The following GNAQ variants were observed in gnomAD, a reference collection of about 807,000 sequenced individuals.
GNAQ encodes G protein subunit alpha q.
Under a neutral mutation model 43.9 loss-of-function variants are expected in GNAQ, and 8 were observed. The observed-to-expected ratio is 0.18, with a 90% confidence interval of 0.11 to 0.33. The LOEUF is 0.33. GNAQ is among the 10% of genes least tolerant of loss of function. The probability of loss-of-function intolerance (pLI) is 1.00; values close to 1 mark genes in which losing one functional copy is unlikely to be tolerated. For synonymous variants in GNAQ, 155 were observed against 170.7 expected, an observed-to-expected ratio of 0.91 and a Z score of 0.71; for missense variants, 158 against 450.8, an observed-to-expected ratio of 0.35 and a Z score of 5.88.
In GNAQ at chr9:78,031,441, G is replaced by A. The variant is rs1170408717; in HGVS notation, c.-206C>T. Reference sequence around the variant, plus strand: ...GGTGGGCCGGGGGCGCGGTGGGAGCGGATAGTCTGGGCCGACGGGAGAAGA... The same window carrying A: ...GGTGGGCCGGGGGCGCGGTGGGAGCAGATAGTCTGGGCCGACGGGAGAAGA... On this transcript the variant is annotated 5_prime_UTR_variant, in exon 1 of 7. Transcript: ENST00000286548. 4.2e-5 allele frequency: 9 copies of A among 213,022 alleles called. No homozygotes were observed. The highest frequency in any genetic ancestry group is 4.1e-4 in the Admixed American group (7 of 17,128). The allele number at this position is 213,022 out of a possible 1,614,324, so 13.2% of individuals were successfully genotyped here.
chr9:77,722,797 T>TA (rs1032767882), intron 6 of GNAQ, among the ~76,000 whole-genome samples: 1 of 151,908 alleles, frequency 6.6e-6, no homozygotes, highest in African/African-American at 2.4e-5. Context: ...GCTGAAACTA[T>TA]AGGTGCCACC....
intron 1 of GNAQ, among the ~76,000 whole-genome samples, chr9:77,986,803 C>CTT (rs56978328): frequency 0.012 from 1,456 of 123,526 alleles, 24 homozygotes; most frequent in African/African-American, 0.041. Context: ...GCACCTGGCC[C>CTT]TTTTTTTTTT....
At chr9:77,859,092 T>C (rs1044506992) in intron 2 of GNAQ, among the ~76,000 whole-genome samples, 1 of 152,226 alleles carries the variant, frequency 6.6e-6, no homozygotes, top group African/African-American at 2.4e-5. Context: ...TCTTCCCATG[T>C]TGACACCCCC....
intron 1 of GNAQ, among the ~76,000 whole-genome samples, chr9:77,972,095 G>C (rs559340886): frequency 7.2e-5 from 11 of 152,102 alleles, no homozygotes; most frequent in Admixed American, 6.6e-4. Context: ...CGTGTCATCT[G>C]CAACAGGGTG....
chr9:77,770,934 A>G (rs953770296), intron 5 of GNAQ, among the ~76,000 whole-genome samples: 7 of 152,142 alleles, frequency 4.6e-5, no homozygotes, highest in Non-Finnish European at 8.8e-5. Context: ...ATTTTCTGAA[A>G]AAAATAAAAC....
At chr9:77,736,965 G>A (rs905904145) in intron 5 of GNAQ, among the ~76,000 whole-genome samples, 13 of 152,132 alleles carry the variant, frequency 8.5e-5, no homozygotes, top group African/African-American at 3.1e-4. Flanking sequence ...CATACTTTAC[G>A]CTTATTTTTT....
chr9:77,885,761 A>T (rs1417565951), intron 2 of GNAQ, among the ~76,000 whole-genome samples: 1 of 152,004 alleles, frequency 6.6e-6, no homozygotes, highest in Non-Finnish European at 1.5e-5. Flanking sequence ...AATGAGATTG[A>T]AAGAGAAAAC....
intron 1 of GNAQ, among the ~76,000 whole-genome samples, chr9:77,989,167 GT>G (rs1413942375): frequency 6.6e-6 from 1 of 152,050 alleles, no homozygotes. Context: ...AAAACCAAAT[GT>G]TTTATTTGAC....
intron 5 of GNAQ, among the ~76,000 whole-genome samples, chr9:77,775,200 T>G (rs1267736069): frequency 6.6e-6 from 1 of 152,188 alleles, no homozygotes; most frequent in Non-Finnish European, 1.5e-5. Flanking sequence ...AATTTAATTA[T>G]TTTCATTGTT....
chr9:77,947,278 C>T (rs1217079987), intron 1 of GNAQ, among the ~76,000 whole-genome samples: 15 of 152,198 alleles, frequency 9.9e-5, no homozygotes, highest in Non-Finnish European at 2.2e-4. Flanking sequence ...GCTATTTCCA[C>T]AAGGAGGCAA....
chr9:77,735,578 TCTGA>T (rs1825564837), intron 5 of GNAQ, among the ~76,000 whole-genome samples: 1 of 152,216 alleles, frequency 6.6e-6, no homozygotes, highest in South Asian at 2.1e-4. Context: ...GCTTGCTGTG[TCTGA>T]CTTTGTATCT....
rs759493970 is a variant in GNAQ at position 78,031,256 on chromosome 9, G to A, written c.-21C>T. 39 of 1,475,052 alleles carry A rather than the reference G, an allele frequency of 2.6e-5. No individual in the cohort carries two copies. Among genetic ancestry groups the A allele is most frequent in the Non-Finnish European group, 3.3e-5 (36 of 1,100,954 alleles). The allele number at this position is 1,475,052 out of a possible 1,614,324, so 91.4% of individuals were successfully genotyped here. A position where few individuals can be genotyped will look rare whatever the true frequency, so the allele number is the denominator to read the frequency against. On this transcript the variant is annotated 5_prime_UTR_variant, in exon 1 of 7. Coordinates refer to ENST00000286548, the MANE Select transcript of GNAQ (RefSeq NM_002072.5). ...GTCATTCTTCCAAAGTGCCTCCGCT[G>A]CAGCCCCGCCGGCACCCCCTGCTCA...
intron 1 of GNAQ, among the ~76,000 whole-genome samples, chr9:77,983,874 C>T (rs1019134139): frequency 1.4e-4 from 21 of 151,720 alleles, no homozygotes; most frequent in African/African-American, 5.1e-4. Flanking sequence ...TAAAGGAAGT[C>T]CACTCCAAGA....
At chr9:77,974,474 T>C (rs1167754497) in intron 1 of GNAQ, among the ~76,000 whole-genome samples, 1 of 152,242 alleles carries the variant, frequency 6.6e-6, no homozygotes, top group Non-Finnish European at 1.5e-5. Context: ...ATGTGTGAGA[T>C]ACTGTTGTAA....
Position 78,031,346 on chromosome 9 carries a change from C to T in GNAQ, c.-111G>A, listed in dbSNP as rs1453164223. 3 of 808,782 alleles carry T rather than the reference C, an allele frequency of 3.7e-6. No individual in the cohort carries two copies. The African/African-American group carries it at 5.5e-5, about 15-fold the overall frequency. The allele number at this position is 808,782 out of a possible 1,614,324, so 50.1% of individuals were successfully genotyped here. Reference sequence around the variant, plus strand: ...GCAGCGGTGGCCGCCGAGCCCCCGCCGCCCGGGCGCGCGTCCGGGACGAGC... The same window carrying T: ...GCAGCGGTGGCCGCCGAGCCCCCGCTGCCCGGGCGCGCGTCCGGGACGAGC... On this transcript the variant is annotated 5_prime_UTR_variant, in exon 1 of 7. Coordinates refer to ENST00000286548, the MANE Select transcript of GNAQ (RefSeq NM_002072.5).
intron 5 of GNAQ, among the ~76,000 whole-genome samples, chr9:77,761,015 C>T (rs1443274872): frequency 2.0e-5 from 3 of 152,138 alleles, no homozygotes; most frequent in Non-Finnish European, 2.9e-5. Context: ...GCCCGGCAGC[C>T]GCCCCATCTG....
At chr9:77,872,450 A>G in intron 2 of GNAQ, among the ~76,000 whole-genome samples, 1 of 152,228 alleles carries the variant, frequency 6.6e-6, no homozygotes, top group East Asian at 1.9e-4. Flanking sequence ...CAATGTGTAA[A>G]CTGAATTTAC....
At chr9:77,864,909 G>C (rs1304405694) in intron 2 of GNAQ, among the ~76,000 whole-genome samples, 1 of 152,158 alleles carries the variant, frequency 6.6e-6, no homozygotes, top group African/African-American at 2.4e-5. Flanking sequence ...TTTGGAGACA[G>C]CTTCTTTAAA....
rs781056622 is a variant in GNAQ, at chr9:77,721,170, T to C, written c.*153A>G. Reference sequence around the variant, plus strand: ...CTGAATAGTTTAAATAAAATCATAATATTTACTACAAACTCTGTGGACACG... The same window carrying C: ...CTGAATAGTTTAAATAAAATCATAACATTTACTACAAACTCTGTGGACACG... On this transcript the variant is annotated 3_prime_UTR_variant, in exon 7 of 7. Coordinates refer to ENST00000286548, the MANE Select transcript of GNAQ (RefSeq NM_002072.5). 49 of 541,352 alleles carry C rather than the reference T, an allele frequency of 9.1e-5. No individual in the cohort carries two copies. Among genetic ancestry groups the C allele is most frequent in the Non-Finnish European group, 1.4e-4 (44 of 305,984 alleles). The allele number at this position is 541,352 out of a possible 1,614,324, so 33.5% of individuals were successfully genotyped here.
Sources: gnomAD v4.1 joint callset for allele counts (sites outside exome capture counted in the v4.1 genomes callset) on GRCh38, gnomAD v4.1.1 for gene constraint, MANE v1.5 for transcripts, NCBI Gene and HGNC (gene_info 2026-07-23, HGNC 2026-07-21) for gene names.